Variants in SLC25A48 observed in about 807,000 individuals in gnomAD.
The protein encoded by SLC25A48 is CTC-321K16.1.
Under a neutral mutation model 32.2 loss-of-function variants are expected in SLC25A48, and 29 were observed. The observed-to-expected ratio is 0.90, with a 90% CI of 0.67 to 1.23. The LOEUF (loss-of-function observed/expected upper bound fraction) is 1.23, where lower values mean the gene tolerates loss of function less well. Among genes scored for constraint, SLC25A48 ranks in the 50% most tolerant of loss-of-function variants. The probability of loss-of-function intolerance (pLI) is 0.00; values close to 1 mark genes in which losing one functional copy is unlikely to be tolerated. For synonymous variants in SLC25A48, 164 were observed against 172.3 expected, an observed-to-expected ratio of 0.95 and a Z score of 0.38; for missense variants, 399 against 422.7, an observed-to-expected ratio of 0.94 and a Z score of 0.49.
At chr5:135,648,613 C>T (rs1753028087) in intron 3 of SLC25A48, 1 of 152,282 alleles carries the variant, frequency 6.6e-6, no homozygotes, top group South Asian at 2.1e-4. Flanking sequence ...CCCAAGGCCT[C>T]AATTTCTCTA....
chr5:135,585,118 C>G (rs1751332862), intron 1 of SLC25A48, among the ~76,000 whole-genome samples: 1 of 152,118 alleles, frequency 6.6e-6, no homozygotes, highest in Non-Finnish European at 1.5e-5. Flanking sequence ...TGGGTGAGTC[C>G]CATGGTGAGG....
At chr5:135,725,378 T>C (rs1361164990) in intron 3 of SLC25A48, among the ~76,000 whole-genome samples, 1 of 152,084 alleles carries the variant, frequency 6.6e-6, no homozygotes, top group Non-Finnish European at 1.5e-5. Flanking sequence ...GGGATGGCCC[T>C]TCTGAGGAAG....
intron 1 of SLC25A48, among the ~76,000 whole-genome samples, chr5:135,600,574 A>G (rs1751771513): frequency 1.3e-5 from 2 of 152,056 alleles, no homozygotes; most frequent in African/African-American, 4.8e-5. Flanking sequence ...CCTGCTTGGA[A>G]TGCCTCCTCC....
chr5:135,793,730 A>G (rs1408194634), intron 3 of SLC25A48, among the ~76,000 whole-genome samples: 3 of 145,748 alleles, frequency 2.1e-5, no homozygotes. Flanking sequence ...TAATATCACA[A>G]TAGGTGTTCA....
chr5:135,594,631 A>G (rs577392311), intron 1 of SLC25A48, among the ~76,000 whole-genome samples: 1 of 152,294 alleles, frequency 6.6e-6, no homozygotes, highest in South Asian at 2.1e-4. Flanking sequence ...ACCTAACCCT[A>G]ACTGTTCTTC....
chr5:135,600,402 G>A (rs1273573435), intron 1 of SLC25A48, among the ~76,000 whole-genome samples: 2 of 152,150 alleles, frequency 1.3e-5, no homozygotes, highest in African/African-American at 4.8e-5. Flanking sequence ...CCTTTGAGGG[G>A]GTGTACCCTG....
intron 3 of SLC25A48, among the ~76,000 whole-genome samples, chr5:135,646,103 T>G (rs1302317436): frequency 3.9e-5 from 6 of 152,112 alleles, no homozygotes; most frequent in Admixed American, 6.5e-5. Flanking sequence ...AAGAAAGAAT[T>G]TTCCCTTAGT....
intron 3 of SLC25A48, among the ~76,000 whole-genome samples, chr5:135,767,991 A>T (rs1483703422): frequency 3.4e-5 from 5 of 146,268 alleles, no homozygotes; most frequent in Non-Finnish European, 7.5e-5. Context: ...TCCCAATATC[A>T]CAGCGGGTGT....
chr5:135,834,955 T>C (rs561466948), intron 1 of SLC25A48, 62 bp downstream of exon 1: 2 of 1,549,282 alleles, frequency 1.3e-6, no homozygotes, highest in South Asian at 2.4e-5. Context: ...TTTGCCTCTA[T>C]GCTCTGAGGA....
At chr5:135,849,463 C>G (rs962757562) in intron 2 of SLC25A48, among the ~76,000 whole-genome samples, 11 of 152,186 alleles carry the variant, frequency 7.2e-5, no homozygotes, top group African/African-American at 2.7e-4. Flanking sequence ...CTCAGACCCT[C>G]TATGCCTGTC....
At chr5:135,752,139 A>G (rs190959918) in intron 3 of SLC25A48, among the ~76,000 whole-genome samples, 99 of 152,364 alleles carry the variant, frequency 6.5e-4, no homozygotes, top group Admixed American at 1.2e-3. Context: ...CTTAGATATA[A>G]TATCAAAAAC....
At chr5:135,862,724 T>C (rs1760895897) in intron 4 of SLC25A48, among the ~76,000 whole-genome samples, 1 of 152,024 alleles carries the variant, frequency 6.6e-6, no homozygotes, top group Non-Finnish European at 1.5e-5. Flanking sequence ...TGGCGAAGTG[T>C]TTTAATACTG....
At chr5:135,863,497 G>T (rs1247838117) in intron 4 of SLC25A48, among the ~76,000 whole-genome samples, 1 of 152,210 alleles carries the variant, frequency 6.6e-6, no homozygotes, top group Non-Finnish European at 1.5e-5. Context: ...TGGCAGCAAA[G>T]AGAAGACTTA....
intron 3 of SLC25A48, among the ~76,000 whole-genome samples, chr5:135,740,061 G>A (rs907423674): frequency 2.0e-5 from 3 of 152,180 alleles, no homozygotes; most frequent in African/African-American, 7.2e-5. Context: ...TAGACAATCT[G>A]AGAAAGCAGA....
intron 1 of SLC25A48, among the ~76,000 whole-genome samples, chr5:135,583,094 A>G (rs956641161): frequency 6.6e-6 from 1 of 152,096 alleles, no homozygotes; most frequent in African/African-American, 2.4e-5. Flanking sequence ...AAATAAAAAC[A>G]TGTTTCAGGC....
At chr5:135,652,822 A>G (rs533787132) in intron 3 of SLC25A48, among the ~76,000 whole-genome samples, 267 of 152,356 alleles carry the variant, frequency 1.8e-3, no homozygotes, top group African/African-American at 5.9e-3. Flanking sequence ...TTAAACTGAA[A>G]GAAGGATCTG....
chr5:135,652,547 G>T (rs1014648948), intron 3 of SLC25A48: 11 of 409,378 alleles, frequency 2.7e-5, no homozygotes, highest in Non-Finnish European at 5.4e-5. Flanking sequence ...GGAAGTGGCT[G>T]GGCTAAATGA....
chr5:135,664,189 T>C (rs1442213151), intron 3 of SLC25A48, among the ~76,000 whole-genome samples: 1 of 152,228 alleles, frequency 6.6e-6, no homozygotes, highest in African/African-American at 2.4e-5. Context: ...TAGGAACCCA[T>C]GGAAGGCTGG....
intron 3 of SLC25A48, 52 bp downstream of exon 3, chr5:135,850,548 T>C (rs1759773619): frequency 1.9e-6 from 3 of 1,569,792 alleles, no homozygotes; most frequent in South Asian, 1.1e-5. Context: ...CCCCACAGGC[T>C]GGGGACCAGG....
Sources: allele counts gnomAD v4.1 joint callset (sites outside exome capture counted in the v4.1 genomes callset), GRCh38; gene constraint gnomAD v4.1.1; transcripts MANE v1.5; gene names NCBI Gene and HGNC (gene_info 2026-07-23, HGNC 2026-07-21).